Variants in GRHL2 observed in about 807,000 individuals in gnomAD.
The protein encoded by GRHL2 is grainyhead like transcription factor 2.
GRHL2 carries 21 observed loss-of-function variants against 83.8 expected under a neutral mutation model. That is an observed-to-expected ratio of 0.25 (90% CI 0.18 to 0.36). GRHL2 has a LOEUF of 0.36. Ranked by LOEUF, GRHL2 falls within the 10% of genes least tolerant of loss-of-function variation. The probability of loss-of-function intolerance (pLI) is 1.00; values close to 1 mark genes in which losing one functional copy is unlikely to be tolerated. For missense variants in GRHL2, 623 were observed against 781.8 expected (o/e 0.80, Z 2.42); for synonymous variants, 280 against 278.9 (o/e 1.00, Z -0.04).
intron 8 of GRHL2, among the ~76,000 whole-genome samples, chr8:101,616,054 C>G (rs1415854452): frequency 7.0e-6 from 1 of 142,022 alleles, no homozygotes; most frequent in Non-Finnish European, 1.6e-5. Flanking sequence ...TCTCTTTCTC[C>G]CCTCCCCTCC....
intron 4 of GRHL2, among the ~76,000 whole-genome samples, chr8:101,564,349 T>C (rs974920654): frequency 2.0e-5 from 3 of 152,210 alleles, no homozygotes; most frequent in Non-Finnish European, 2.9e-5. Context: ...AGGCAAACTA[T>C]TAAAATATCT....
At chr8:101,581,514 T>C (rs1229199651) in intron 7 of GRHL2, among the ~76,000 whole-genome samples, 1 of 152,224 alleles carries the variant, frequency 6.6e-6, no homozygotes. Flanking sequence ...ACCTCTTGCG[T>C]GGAATCTCTG....
chr8:101,643,481 C>G (rs1453673670), intron 12 of GRHL2, among the ~76,000 whole-genome samples: 6 of 151,726 alleles, frequency 4.0e-5, no homozygotes, highest in East Asian at 1.9e-4. Flanking sequence ...ACCAGCCGAG[C>G]TGGGGACATG....
the GRHL2 span, among the ~76,000 whole-genome samples, chr8:101,677,550 C>A: frequency 6.6e-6 from 1 of 151,832 alleles, no homozygotes; most frequent in Non-Finnish European, 1.5e-5. Context: ...CATCTTGAGA[C>A]AGTGTCTTTA....
At chr8:101,508,388 GT>G (rs4002328) in intron 1 of GRHL2, among the ~76,000 whole-genome samples, 14 of 139,596 alleles carry the variant, frequency 1.0e-4, no homozygotes, top group East Asian at 4.1e-4. Context: ...ATTTACTCAG[GT>G]TTTTTTTTTT....
chr8:101,672,217 G>T (rs902113921), downstream of GRHL2, among the ~76,000 whole-genome samples: 2 of 151,730 alleles, frequency 1.3e-5, no homozygotes, highest in Non-Finnish European at 2.9e-5. Flanking sequence ...TGACTTTGAC[G>T]AGCTGAGAGA....
At chr8:101,509,678 G>T (rs1192403534) in intron 1 of GRHL2, among the ~76,000 whole-genome samples, 1 of 152,108 alleles carries the variant, frequency 6.6e-6, no homozygotes, top group Non-Finnish European at 1.5e-5. Flanking sequence ...TGCAGAGAGG[G>T]CATGAACAGA....
intron 3 of GRHL2, among the ~76,000 whole-genome samples, chr8:101,557,047 AC>A (rs1176038639): frequency 6.6e-6 from 1 of 151,570 alleles, no homozygotes; most frequent in Non-Finnish European, 1.5e-5. Context: ...CTTGATACTG[AC>A]CTTTTCTCTC....
At chr8:101,610,038 C>T (rs1251852130) in intron 8 of GRHL2, among the ~76,000 whole-genome samples, 1 of 150,824 alleles carries the variant, frequency 6.6e-6, no homozygotes. Context: ...GCAGCCCAAT[C>T]TCTCATTATG....
chr8:101,512,009 T>C lies in GRHL2; in HGVS notation c.20+19220T>C, dbSNP rs1285321782. Among the ~76,000 whole-genome samples the C allele has an allele frequency of 2.0e-5, 3 of 152,332 alleles. No individual in the cohort carries two copies. The East Asian group carries it at 5.8e-4, about 29-fold the overall frequency. On this transcript the variant is annotated intron_variant, in intron 1 of 15. Coordinates refer to ENST00000646743, the MANE Select transcript of GRHL2 (RefSeq NM_024915.4). Reference sequence around the variant, plus strand: ...AAATTCCTTTGTGTATTTAAGACTATTTTTTAACTCTTCAGTGTGTTACAT... The same window carrying C: ...AAATTCCTTTGTGTATTTAAGACTACTTTTTAACTCTTCAGTGTGTTACAT...
intron 1 of GRHL2, among the ~76,000 whole-genome samples, chr8:101,532,651 G>T (rs184300736): frequency 2.3e-3 from 348 of 152,134 alleles, no homozygotes; most frequent in African/African-American, 6.8e-3. Flanking sequence ...TCGGCGGGGG[G>T]GCTGAGGCAG....
intron 9 of GRHL2, among the ~76,000 whole-genome samples, chr8:101,623,066 G>T (rs1812996208): frequency 6.6e-6 from 1 of 152,258 alleles, no homozygotes; most frequent in African/African-American, 2.4e-5. Flanking sequence ...AAAGGTGTAT[G>T]TACTGTTAAC....
At chr8:101,511,314 T>C (rs1376398940) in intron 1 of GRHL2, among the ~76,000 whole-genome samples, 1 of 152,186 alleles carries the variant, frequency 6.6e-6, no homozygotes, top group Admixed American at 6.5e-5. Context: ...AAGCCTTTGA[T>C]AGATTGCTCT....
intron 7 of GRHL2, among the ~76,000 whole-genome samples, chr8:101,581,266 A>C (rs1812048332): frequency 6.6e-6 from 1 of 152,154 alleles, no homozygotes; most frequent in South Asian, 2.1e-4. Context: ...TTGGGTCGTA[A>C]ACTGTTTGGC....
At chr8:101,681,196 G>A in the GRHL2 span, among the ~76,000 whole-genome samples, 17,985 of 90,562 alleles carry the variant, frequency 0.2, 1,259 homozygotes, top group South Asian at 0.33. Context: ...TAATAAAGAA[G>A]AAAAGAGAGA....
chr8:101,551,251 A>G (rs886190024), intron 2 of GRHL2, among the ~76,000 whole-genome samples: 2 of 152,216 alleles, frequency 1.3e-5, no homozygotes, highest in Non-Finnish European at 2.9e-5. Flanking sequence ...AAAGTACCAG[A>G]CACTCCAAGT....
At chr8:101,574,902 A>G (rs918650203) in intron 6 of GRHL2, among the ~76,000 whole-genome samples, 2 of 152,252 alleles carry the variant, frequency 1.3e-5, no homozygotes, top group Non-Finnish European at 1.5e-5. Context: ...CAACAATCCT[A>G]TGAAAAAGGC....
intron 4 of GRHL2, 73 bp downstream of exon 4, chr8:101,558,885 CA>C: frequency 6.7e-7 from 1 of 1,498,406 alleles, no homozygotes; most frequent in Non-Finnish European, 9.1e-7. Flanking sequence ...TATTTCCTTT[CA>C]AAGTGTGATA....
rs3735711 is a variant in GRHL2, at chr8:101,577,711, C to T, written c.1003+192C>T. Among the ~76,000 whole-genome samples, 21,940 of 152,184 alleles carry T rather than the reference C, an allele frequency of 0.14. 1,882 individuals are homozygous for T. Among genetic ancestry groups the T allele is most frequent in the South Asian group, 0.24 (1,156 of 4,822 alleles). ...AAATCAGGCTAAGCCGAGAGCAAAGCGTTTTCTATTCTATGAAAGTCAACT... is the reference window on the plus strand; with the variant it reads ...AAATCAGGCTAAGCCGAGAGCAAAGTGTTTTCTATTCTATGAAAGTCAACT... On this transcript the variant is annotated intron_variant, in intron 7 of 15. Transcript: ENST00000646743.
Sources: gnomAD v4.1 joint callset for allele counts (sites outside exome capture counted in the v4.1 genomes callset) on GRCh38, gnomAD v4.1.1 for gene constraint, MANE v1.5 for transcripts, NCBI Gene and HGNC (gene_info 2026-07-23, HGNC 2026-07-21) for gene names.